LMF1: variants seen among roughly 807,000 people sequenced by gnomAD.
LMF1 encodes the protein lipase maturation factor 1, also known as transmembrane protein 112.
Under a neutral mutation model 60.6 loss-of-function variants are expected in LMF1, and 68 were observed. The observed-to-expected ratio is 1.12, with a 90% CI of 0.92 to 1.37. LMF1 has a LOEUF of 1.37. LMF1 is among the 40% of genes most tolerant of loss of function. LMF1 has a pLI of 0.00. For missense variants in LMF1, 948 were observed against 767.2 expected (o/e 1.24, Z -2.78); for synonymous variants, 418 against 324.7 (o/e 1.29, Z -3.09).
intron 10 of LMF1, among the ~76,000 whole-genome samples, chr16:860,189 A>C (rs1252717452): frequency 8.2e-6 from 1 of 121,646 alleles, no homozygotes; most frequent in Non-Finnish European, 1.7e-5. Context: ...TGTAGCTTAA[A>C]AATTATCTTT....
intron 4 of LMF1, among the ~76,000 whole-genome samples, chr16:910,185 C>T (rs977900444): frequency 6.6e-6 from 1 of 152,224 alleles, no homozygotes; most frequent in Admixed American, 6.5e-5. Context: ...AAGTGCACAT[C>T]GTGTTTTTGT....
chr16:931,342 C>A (rs1192712668), intron 3 of LMF1, among the ~76,000 whole-genome samples: 6 of 152,266 alleles, frequency 3.9e-5, no homozygotes, highest in African/African-American at 1.4e-4. Context: ...GCACGCACTG[C>A]CTGAGGATGC....
chr16:971,730 G>T (rs1347992308), upstream of LMF1, among the ~76,000 whole-genome samples: 1 of 152,200 alleles, frequency 6.6e-6, no homozygotes, highest in African/African-American at 2.4e-5. Flanking sequence ...ATGTGAAGCG[G>T]GTGCTAGGAA....
At chr16:865,391 C>G (rs999674558) in intron 10 of LMF1, among the ~76,000 whole-genome samples, 3 of 152,144 alleles carry the variant, frequency 2.0e-5, no homozygotes, top group Admixed American at 6.5e-5. Context: ...CGCTCTGTTG[C>G]CCAGGCTGGA....
intron 9 of LMF1, chr16:869,394 G>C (rs2069709308): frequency 1.7e-6 from 1 of 583,666 alleles, no homozygotes; most frequent in South Asian, 1.5e-5. Context: ...CAGCAGCTCT[G>C]TCCATGGGTG....
Position 964,110 on chromosome 16 carries a change from A to G in LMF1, c.193+6678T>C, listed in dbSNP as rs1199690385. The stretch of plus-strand genomic sequence containing the variant: ...GTCGCCCGAGCAGCCAACAGCAGGC[A>G]TGGCCGATAAATACTTTGTTTCAGA... On this transcript the variant is annotated intron_variant, in intron 1 of 10. Transcript: ENST00000262301. 6.6e-6 allele frequency: 3 copies of G among 456,030 alleles called. No individual in the cohort carries two copies. The Admixed American group carries it at 7.0e-5, about 11-fold the overall frequency. 28.2% of individuals were successfully genotyped at this position (456,030 alleles called of 1,614,324 possible).
chr16:855,560 G>A lies in LMF1; in HGVS notation c.1530-854C>T, dbSNP rs980325104. On this transcript the variant is annotated intron_variant, in intron 10 of 10. Coordinates refer to ENST00000262301, the MANE Select transcript of LMF1 (RefSeq NM_022773.4). ...TGCCCCGGAGGAGGAGGCGCCAGGA[G>A]GAATTGTCACCGTCACAAGCTCCCG... is the stretch of plus-strand genomic sequence containing the variant. 2.2e-4 allele frequency: 81 copies of A among 372,886 alleles called. 2 individuals are homozygous for A. The highest frequency in any genetic ancestry group is 1.5e-3 in the South Asian group (75 of 50,292). 23.1% of individuals were successfully genotyped at this position (372,886 alleles called of 1,614,324 possible).
Position 856,325 on chromosome 16 carries a change from G to A in LMF1, c.1530-1619C>T, listed in dbSNP as rs192469368. 6.0e-3 allele frequency among the ~76,000 whole-genome samples: 912 copies of A among 152,288 alleles called. 11 individuals carry two copies. Among genetic ancestry groups the A allele is most frequent in the African/African-American group, 0.021 (857 of 41,568 alleles). ...AGGCAGAGAAGTCACACTGGACCCC[G>A]AGGTCGACCTCTGAGCAGCTCAGCA... On this transcript the variant is annotated intron_variant, in intron 10 of 10. Coordinates refer to ENST00000262301, the MANE Select transcript of LMF1 (RefSeq NM_022773.4).
Position 870,767 on chromosome 16 carries a change from G to A in LMF1, c.1194C>T (p.Asn398=). 1 of 1,613,052 alleles carries A rather than the reference G, an allele frequency of 6.2e-7. No individual in the cohort carries two copies. Among genetic ancestry groups the A allele is most frequent in the South Asian group, 1.1e-5 (1 of 91,084 alleles). ...SSRQVMNTHF[N]SLHIVNTYGA... ...CGTAAGTGTTGACGATGTGAAGAGA[G>A]TTGAAGTGGGTGTTCATGACCTGCC... Residue 398 remains asparagine, a synonymous_variant, in exon 8 of 11, where the codon AAC becomes AAT. Coordinates refer to ENST00000262301, the MANE Select transcript of LMF1 (RefSeq NM_022773.4).
chr16:913,946 G>A (rs2071195316), intron 3 of LMF1, among the ~76,000 whole-genome samples: 1 of 152,216 alleles, frequency 6.6e-6, no homozygotes. Context: ...AATTTAAGAT[G>A]AAATACTCGG....
At position 868,491 on chromosome 16, in the gene LMF1, G is replaced by T. The variant is rs564635225; in HGVS notation, c.1529+453C>A. On this transcript the variant is annotated intron_variant, in intron 10 of 10. Transcript: ENST00000262301. ...CTCCTTGGAATGTCACCACGTCACTGGCCGGAGTGGGCGAGGCTGCAGGGC... is the reference window on the plus strand; with the variant it reads ...CTCCTTGGAATGTCACCACGTCACTTGCCGGAGTGGGCGAGGCTGCAGGGC... Among the ~76,000 whole-genome samples the T allele has an allele frequency of 2.6e-5, 4 of 152,310 alleles. No individual in the cohort carries two copies. The East Asian group carries it at 7.7e-4, about 29-fold the overall frequency.
chr16:936,869 A>T (rs1358535454), intron 2 of LMF1, among the ~76,000 whole-genome samples: 1 of 152,194 alleles, frequency 6.6e-6, no homozygotes, highest in African/African-American at 2.4e-5. Flanking sequence ...CTTGGGGCCG[A>T]GGCTGGAAGA....
chr16:860,195 T>C (rs2069416594), intron 10 of LMF1, among the ~76,000 whole-genome samples: 1 of 67,918 alleles, frequency 1.5e-5, no homozygotes, highest in South Asian at 7.6e-4. Flanking sequence ...TTAAAAATTA[T>C]CTTTGTTCTC....
intron 2 of LMF1, among the ~76,000 whole-genome samples, chr16:950,709 TGACAGAGTCAGAGCCAAC>T (rs2072430032): frequency 9.4e-6 from 1 of 106,208 alleles, no homozygotes; most frequent in Non-Finnish European, 1.8e-5. Context: ...TCAGAGCCAA[TGACAGAGTCAGAGCCAAC>T]GACAGAGTCA....
intron 2 of LMF1, among the ~76,000 whole-genome samples, chr16:940,195 G>T (rs1039364282): frequency 2.0e-5 from 3 of 152,166 alleles, no homozygotes; most frequent in Non-Finnish European, 4.4e-5. Context: ...AGAGACTTGG[G>T]TGGAACTGGC....
In LMF1 at chr16:962,448, A is replaced by G. The variant is rs1393728587; in HGVS notation, c.194-7782T>C. Among the ~76,000 whole-genome samples the G allele has an allele frequency of 6.9e-6, 1 of 145,598 alleles. No homozygotes were observed. Among genetic ancestry groups the G allele is most frequent in the Admixed American group, 7.0e-5 (1 of 14,376 alleles). ...GCTTCCAGAGGACAGAGCGGGCGGG[A>G]AAGCAGGGACCTGTCAGAGGGCACA... On this transcript the variant is annotated intron_variant, in intron 1 of 10. Coordinates refer to ENST00000262301, the MANE Select transcript of LMF1 (RefSeq NM_022773.4). This position sits in a 1 kb window ranked among gnomAD's most constrained non-coding sequence, Gnocchi z 4.5.
intron 5 of LMF1, among the ~76,000 whole-genome samples, chr16:882,306 T>C (rs1296243145): frequency 6.6e-6 from 1 of 152,214 alleles, no homozygotes; most frequent in Non-Finnish European, 1.5e-5. Flanking sequence ...TCGCCTCCCC[T>C]GGAATCCCAG....
intron 3 of LMF1, among the ~76,000 whole-genome samples, chr16:919,442 C>A (rs2071369311): frequency 7.5e-6 from 1 of 134,172 alleles, no homozygotes; most frequent in South Asian, 2.5e-4. Flanking sequence ...ACTGCTGAGC[C>A]CCCCTGGGAA....
chr16:934,453 C>T (rs2071883819), intron 2 of LMF1, 199 bp from the exon 3 acceptor site: 2 of 614,314 alleles, frequency 3.3e-6, no homozygotes, highest in Non-Finnish European at 5.8e-6. Context: ...AGGCCCAGAA[C>T]AGGCAACCAA....
Sources: gnomAD v4.1 joint callset for allele counts (sites outside exome capture counted in the v4.1 genomes callset) on GRCh38, gnomAD v4.1.1 for gene constraint, Gnocchi (gnomAD v3.1) non-coding constraint, MANE v1.5 for transcripts, NCBI Gene and HGNC (gene_info 2026-07-23, HGNC 2026-07-21) for gene names.